Variants in ADK observed in about 807,000 individuals in gnomAD.
The protein encoded by ADK is adenosine kinase, also known as N6,N6-dimethyladenosine kinase.
ADK carries 24 observed loss-of-function variants against 44.7 expected under a neutral mutation model. The ratio of observed to expected loss-of-function variants is 0.54; its 90% CI spans 0.39 to 0.76. ADK has a LOEUF of 0.76. ADK is among the 30% of genes least tolerant of loss of function. The pLI, the probability that ADK is intolerant of heterozygous loss-of-function variation, is 0.00. For synonymous variants in ADK, 128 were observed against 142.6 expected, an observed-to-expected ratio of 0.90 and a Z score of 0.73; for missense variants, 321 against 425.1, an observed-to-expected ratio of 0.76 and a Z score of 2.15.
chr10:74,686,886 C>T (rs1855813315), intron 10 of ADK, among the ~76,000 whole-genome samples: 1 of 152,012 alleles, frequency 6.6e-6, no homozygotes, highest in African/African-American at 2.4e-5. Context: ...CCATGTTGGC[C>T]AGGATGGTCT....
chr10:74,584,524 T>C (rs922198311), intron 7 of ADK, among the ~76,000 whole-genome samples: 3 of 152,228 alleles, frequency 2.0e-5, no homozygotes, highest in African/African-American at 7.2e-5. Flanking sequence ...GAGAATATTA[T>C]ACCTCTAAAT....
At chr10:74,326,603 C>A (rs1841028008) in intron 4 of ADK, among the ~76,000 whole-genome samples, 1 of 151,824 alleles carries the variant, frequency 6.6e-6, no homozygotes, top group African/African-American at 2.4e-5. Context: ...AGAGCAAGAC[C>A]CTGTCTCTTT....
chr10:74,259,368 C>A (rs187514763), intron 3 of ADK, among the ~76,000 whole-genome samples: 2 of 150,488 alleles, frequency 1.3e-5, no homozygotes, highest in Non-Finnish European at 3.0e-5. Flanking sequence ...GCAAAATGAT[C>A]TTTGTTTTCT....
At position 74,458,304 on chromosome 10, in the gene ADK, T is replaced by G. The variant is rs560240258; in HGVS notation, c.555+59725T>G. On this transcript the variant is annotated intron_variant, in intron 6 of 10. Coordinates refer to ENST00000539909, the MANE Select transcript of ADK (RefSeq NM_006721.4). ...CACCACCACTCCCAGGTTTTGTTTT[T>G]TTTTTTTTTTTTTTGCAGAGACAGG... 7.9e-3 allele frequency among the ~76,000 whole-genome samples: 1,156 copies of G among 147,148 alleles called. 22 individuals carry two copies. The highest frequency in any genetic ancestry group is 0.026 in the African/African-American group (1,039 of 40,086).
chr10:74,217,636 T>G (rs1844108211), intron 2 of ADK, among the ~76,000 whole-genome samples: 1 of 152,304 alleles, frequency 6.6e-6, no homozygotes, highest in Admixed American at 6.5e-5. Context: ...AGGAGCAGAC[T>G]GACAACTCAC....
At chr10:74,180,660 G>A (rs1383152434) in intron 1 of ADK, among the ~76,000 whole-genome samples, 3 of 151,872 alleles carry the variant, frequency 2.0e-5, no homozygotes, top group South Asian at 2.1e-4. Flanking sequence ...GGGTTTCACC[G>A]TGTTAGCCAG....
At chr10:74,245,255 TG>T (rs1845374623) in intron 3 of ADK, among the ~76,000 whole-genome samples, 1 of 152,220 alleles carries the variant, frequency 6.6e-6, no homozygotes, top group Non-Finnish European at 1.5e-5. Flanking sequence ...TAGATTTTAT[TG>T]TATTCCTGTA....
chr10:74,586,049 C>T (rs556509167), intron 7 of ADK, among the ~76,000 whole-genome samples: 2 of 152,352 alleles, frequency 1.3e-5, no homozygotes, highest in South Asian at 2.1e-4. Flanking sequence ...AATCTGACAA[C>T]TAAAATTCTG....
At chr10:74,384,164 G>T (rs1057420344) in intron 4 of ADK, among the ~76,000 whole-genome samples, 24 of 151,992 alleles carry the variant, frequency 1.6e-4, no homozygotes, top group Non-Finnish European at 1.2e-4. Flanking sequence ...CCCTTAAATT[G>T]TAAGTTTTAA....
At chr10:74,427,371 T>C (rs1425174954) in intron 6 of ADK, among the ~76,000 whole-genome samples, 3 of 152,128 alleles carry the variant, frequency 2.0e-5, no homozygotes, top group African/African-American at 7.2e-5. Flanking sequence ...GCTAATTTTT[T>C]GTATTTTTAG....
intron 7 of ADK, among the ~76,000 whole-genome samples, chr10:74,555,420 G>A (rs1297158877): frequency 6.6e-6 from 1 of 152,006 alleles, no homozygotes; most frequent in Non-Finnish European, 1.5e-5. Flanking sequence ...TGGAAGTGGG[G>A]GAGAGAGAGA....
chr10:74,369,985 G>A (rs921479171), intron 4 of ADK, among the ~76,000 whole-genome samples: 2 of 152,016 alleles, frequency 1.3e-5, no homozygotes, highest in Admixed American at 6.6e-5. Context: ...TCTGTACTAG[G>A]AACAAAAATT....
chr10:74,585,513 T>C (rs1440022171), intron 7 of ADK, among the ~76,000 whole-genome samples: 1 of 152,218 alleles, frequency 6.6e-6, no homozygotes, highest in African/African-American at 2.4e-5. Flanking sequence ...AGAAATACTC[T>C]TTCCTGGCCT....
chr10:74,689,010 T>C (rs1161120834), intron 10 of ADK, among the ~76,000 whole-genome samples: 1 of 152,094 alleles, frequency 6.6e-6, no homozygotes, highest in African/African-American at 2.4e-5. Flanking sequence ...CCCAGCACTT[T>C]GGGAGGCCGA....
intron 6 of ADK, among the ~76,000 whole-genome samples, chr10:74,470,419 A>G (rs969732109): frequency 3.9e-5 from 6 of 151,948 alleles, no homozygotes; most frequent in Non-Finnish European, 5.9e-5. Context: ...TGGGTGTGCA[A>G]ATATCTCATC....
At chr10:74,163,440 C>G (rs1044996993) in intron 1 of ADK, among the ~76,000 whole-genome samples, 2 of 152,178 alleles carry the variant, frequency 1.3e-5, no homozygotes, top group African/African-American at 4.8e-5. Flanking sequence ...TGTTAGCAAG[C>G]CTTTAATTAG....
chr10:74,586,877 G>A (rs183865767), intron 7 of ADK, among the ~76,000 whole-genome samples: 2,890 of 143,604 alleles, frequency 0.02, 71 homozygotes, highest in African/African-American at 0.068. Context: ...AAATATATAT[G>A]TATATATATA....
chr10:74,234,590 T>C (rs1315493668), intron 3 of ADK, among the ~76,000 whole-genome samples: 1 of 152,204 alleles, frequency 6.6e-6, no homozygotes, highest in Non-Finnish European at 1.5e-5. Flanking sequence ...TCACTAGAAA[T>C]ACGTCACAAT....
intron 2 of ADK, among the ~76,000 whole-genome samples, chr10:74,211,492 T>A (rs563681861): frequency 1.3e-5 from 2 of 152,336 alleles, no homozygotes; most frequent in South Asian, 2.1e-4. Flanking sequence ...ATGGTAGTGA[T>A]CATTTGCTAA....
Sources: gnomAD v4.1 joint callset for allele counts (sites outside exome capture counted in the v4.1 genomes callset) on GRCh38, gnomAD v4.1.1 for gene constraint, MANE v1.5 for transcripts, NCBI Gene and HGNC (gene_info 2026-07-23, HGNC 2026-07-21) for gene names.